PRKCA: variants seen among roughly 807,000 people sequenced by gnomAD.
PRKCA encodes protein kinase C alpha.
A neutral mutation model predicts 87.0 loss-of-function variants in PRKCA; 27 were observed. The ratio of observed to expected loss-of-function variants is 0.31; its 90% CI spans 0.23 to 0.43. PRKCA has a LOEUF of 0.43. Among genes scored for constraint, PRKCA ranks in the 20% least tolerant of loss-of-function variants. The probability of loss-of-function intolerance (pLI) is 1.00; values close to 1 mark genes in which losing one functional copy is unlikely to be tolerated. For synonymous variants in PRKCA, 329 were observed against 311.1 expected (o/e 1.06, Z -0.61); for missense variants, 518 against 852.3 (o/e 0.61, Z 4.88).
chr17:66,607,929 GGTCTCTGAA>G (rs1487727612), intron 3 of PRKCA, among the ~76,000 whole-genome samples: 1 of 152,148 alleles, frequency 6.6e-6, no homozygotes, highest in Non-Finnish European at 1.5e-5. Context: ...GTAGCTACAT[GGTCTCTGAA>G]GTCTCTTCCA....
intron 3 of PRKCA, among the ~76,000 whole-genome samples, chr17:66,562,074 AT>A (rs1484975649): frequency 3.0e-5 from 4 of 135,196 alleles, no homozygotes; most frequent in Non-Finnish European, 4.9e-5. Context: ...ATATAATTAA[AT>A]TATATATATA....
intron 8 of PRKCA, among the ~76,000 whole-genome samples, chr17:66,723,113 G>C (rs1018983405): frequency 6.6e-6 from 1 of 152,136 alleles, no homozygotes; most frequent in African/African-American, 2.4e-5. Flanking sequence ...CTCACAACAG[G>C]TCATGAGCTC....
intron 3 of PRKCA, among the ~76,000 whole-genome samples, chr17:66,615,822 G>C (rs993482222): frequency 3.3e-5 from 5 of 152,234 alleles, no homozygotes; most frequent in Non-Finnish European, 5.9e-5. Context: ...TGAACATAAG[G>C]GAAGGGATTT....
chr17:66,505,381 G>A (rs567763833), intron 3 of PRKCA, among the ~76,000 whole-genome samples: 12 of 152,164 alleles, frequency 7.9e-5, no homozygotes, highest in African/African-American at 2.6e-4. Flanking sequence ...TGATTAGCTG[G>A]GAAAAAATGC....
intron 11 of PRKCA, 91 bp downstream of exon 11, chr17:66,738,946 T>C (rs1407311123): frequency 1.0e-6 from 1 of 973,248 alleles, no homozygotes; most frequent in Admixed American, 2.1e-5. Context: ...AGATTGGGGG[T>C]CTCACTCTGT....
At chr17:66,650,804 A>G (rs564715396) in intron 5 of PRKCA, among the ~76,000 whole-genome samples, 1 of 152,244 alleles carries the variant, frequency 6.6e-6, no homozygotes, top group East Asian at 1.9e-4. Flanking sequence ...CCACCTTACC[A>G]TGGTGTATTT....
chr17:66,517,829 C>T (rs184733825), intron 3 of PRKCA, among the ~76,000 whole-genome samples: 11 of 152,172 alleles, frequency 7.2e-5, no homozygotes, highest in Non-Finnish European at 1.2e-4. Context: ...GCTGTTTTTG[C>T]AAAGCAGTTT....
At chr17:66,660,948 C>G (rs572569958) in intron 5 of PRKCA, among the ~76,000 whole-genome samples, 146 of 152,050 alleles carry the variant, frequency 9.6e-4, no homozygotes, top group African/African-American at 3.4e-3. Context: ...AGGATAAAAC[C>G]AACCCACTCA....
intron 13 of PRKCA, among the ~76,000 whole-genome samples, chr17:66,750,693 C>T (rs1290054949): frequency 6.6e-5 from 10 of 152,196 alleles, no homozygotes; most frequent in Admixed American, 1.3e-4. Flanking sequence ...CTGGTGGATT[C>T]GCTGCCCCTT....
chr17:66,341,466 A>T (rs1239221047), intron 2 of PRKCA, among the ~76,000 whole-genome samples: 1 of 152,190 alleles, frequency 6.6e-6, no homozygotes, highest in Non-Finnish European at 1.5e-5. Context: ...GTTGTTCTGA[A>T]ATCTGGGTGC....
intron 8 of PRKCA, among the ~76,000 whole-genome samples, chr17:66,731,202 A>T (rs1219781299): frequency 1.3e-5 from 2 of 152,050 alleles, no homozygotes; most frequent in African/African-American, 2.4e-5. Flanking sequence ...CATACAAAAA[A>T]ATTAGCCATG....
intron 2 of PRKCA, among the ~76,000 whole-genome samples, chr17:66,333,413 A>T (rs1906470710): frequency 6.6e-6 from 1 of 152,210 alleles, no homozygotes; most frequent in Non-Finnish European, 1.5e-5. Context: ...AAATAGTTCA[A>T]GGATAAAGTG....
At chr17:66,450,866 A>G (rs1914275696) in intron 2 of PRKCA, among the ~76,000 whole-genome samples, 1 of 152,224 alleles carries the variant, frequency 6.6e-6, no homozygotes, top group Non-Finnish European at 1.5e-5. Context: ...TTAGTAAAAC[A>G]TTTTGGTTTT....
intron 3 of PRKCA, among the ~76,000 whole-genome samples, chr17:66,595,479 TGA>T (rs1969946797): frequency 8.6e-5 from 12 of 139,110 alleles, no homozygotes; most frequent in Admixed American, 3.6e-4. Context: ...TTTTTTTTTT[TGA>T]GACAGTCTTG....
chr17:66,345,233 C>T (rs539829253), intron 2 of PRKCA, among the ~76,000 whole-genome samples: 3 of 152,254 alleles, frequency 2.0e-5, no homozygotes, highest in African/African-American at 7.2e-5. Flanking sequence ...TATGTTACCA[C>T]CATTACTTCC....
chr17:66,593,501 A>C (rs1969879374), intron 3 of PRKCA, among the ~76,000 whole-genome samples: 1 of 152,220 alleles, frequency 6.6e-6, no homozygotes, highest in Non-Finnish European at 1.5e-5. Context: ...TAACTGCAAG[A>C]GAGGCAGGCA....
rs372274195 is a variant in PRKCA, at chr17:66,438,172, G to A, written c.206-58029G>A. Among the ~76,000 whole-genome samples, 10 of 152,086 alleles carry A rather than the reference G, an allele frequency of 6.6e-5. 1 individual carries two copies. In the East Asian group the frequency reaches 9.6e-4, roughly 15 times the overall value. On this transcript the variant is annotated intron_variant, in intron 2 of 16. Transcript: ENST00000413366. ...CCTGCCCTTCATCTTGTGTGACTGC[G>A]GTTGAGAAAGACCTGCAGGATTAAA...
intron 3 of PRKCA, among the ~76,000 whole-genome samples, chr17:66,556,323 C>CTTTTTTTT (rs61549626): frequency 1.6e-4 from 21 of 128,936 alleles, no homozygotes; most frequent in South Asian, 2.5e-4. Flanking sequence ...CTTTCTTCTT[C>CTTTTTTTT]TTTTTTTTTT....
intron 3 of PRKCA, among the ~76,000 whole-genome samples, chr17:66,639,661 T>G (rs1971238545): frequency 6.6e-6 from 1 of 152,036 alleles, no homozygotes. Flanking sequence ...GTGCTGAGAT[T>G]ACAGGTGTGT....
Sources: gnomAD v4.1 joint callset for allele counts (sites outside exome capture counted in the v4.1 genomes callset) on GRCh38, gnomAD v4.1.1 for gene constraint, MANE v1.5 for transcripts, NCBI Gene and HGNC (gene_info 2026-07-23, HGNC 2026-07-21) for gene names.